The following ZNF250 variants were observed in gnomAD, a reference collection of about 807,000 sequenced individuals.
The protein encoded by ZNF250 is zinc finger protein 250, also known as zinc finger protein (clone 647).
In ZNF250, 13 loss-of-function variants were observed where a neutral mutation model predicts 37.1. That is an observed-to-expected ratio of 0.35 (90% CI 0.23 to 0.56). The LOEUF (loss-of-function observed/expected upper bound fraction) is 0.56. ZNF250 is among the 20% of genes least tolerant of loss of function. ZNF250 has a pLI of 0.87. For missense variants in ZNF250, 474 were observed against 697.9 expected (o/e 0.68, Z 3.61); for synonymous variants, 251 against 265.6 (o/e 0.94, Z 0.54).
At chr8:144,899,501 A>C (rs999246967) in intron 1 of ZNF250, among the ~76,000 whole-genome samples, 1 of 152,174 alleles carries the variant, frequency 6.6e-6, no homozygotes, top group African/African-American at 2.4e-5. Context: ...GTATCCCATA[A>C]ATGTGTATAA....
intron 5 of ZNF250, among the ~76,000 whole-genome samples, chr8:144,886,095 TA>T (rs34422407): frequency 0.034 from 3,951 of 116,586 alleles, 67 homozygotes; most frequent in Admixed American, 0.098. Context: ...AGAGCCTGTC[TA>T]AAAAAAAAAA....
intron 1 of ZNF250, among the ~76,000 whole-genome samples, chr8:144,893,384 G>A (rs996760686): frequency 1.3e-5 from 2 of 152,148 alleles, no homozygotes; most frequent in Non-Finnish European, 2.9e-5. Context: ...AGGCTGGAGT[G>A]CAGTGGCATG....
In ZNF250 at chr8:144,881,501, G is replaced by T. The variant is rs1380326341; in HGVS notation, c.*14C>A. On this transcript the variant is annotated 3_prime_UTR_variant, in exon 6 of 6. Transcript: ENST00000417550. ...GCAGTTTCTGTGAGAATGGATTCTT[G>T]TGTCAGCCATGGGTCACAACTTTCT... 13 of 1,561,296 alleles carry T rather than the reference G, an allele frequency of 8.3e-6. No homozygotes were observed. The highest frequency in any genetic ancestry group is 2.3e-5 in the East Asian group (1 of 44,278).
At chr8:144,901,891 CT>C (rs1210051336), upstream of ZNF250, 1 of 152,374 alleles carries the variant, frequency 6.6e-6, no homozygotes, top group African/African-American at 2.4e-5. This position sits in a 1 kb window ranked among gnomAD's most constrained non-coding sequence, Gnocchi z 5.4. Flanking sequence ...GCCTTTTGCC[CT>C]TGCGGTTCCC....
chr8:144,880,635 G>A lies in ZNF250; in HGVS notation c.*880C>T. 2 of 380,520 alleles carry A rather than the reference G, an allele frequency of 5.3e-6. No homozygotes were observed. Among genetic ancestry groups the A allele is most frequent in the South Asian group, 3.8e-5 (2 of 52,802 alleles). The allele number at this position is 380,520 out of a possible 1,614,324, so 23.6% of individuals were successfully genotyped here. ...TCCCAACACTTTCGGAAGCAAAGGTGGGAGGATCACTTGAGGCCAGGAGTT... is the reference window on the plus strand; with the variant it reads ...TCCCAACACTTTCGGAAGCAAAGGTAGGAGGATCACTTGAGGCCAGGAGTT... On this transcript the variant is annotated 3_prime_UTR_variant, in exon 6 of 6. Transcript: ENST00000417550.
chr8:144,890,891 C>T lies in ZNF250; in HGVS notation c.-54-488G>A, dbSNP rs1320431382. ...GACAATAAGACTCCCCTCACCCCACCCTTAGGCAGCCCTAGTGCCCCAATG... is the reference window on the plus strand; with the variant it reads ...GACAATAAGACTCCCCTCACCCCACTCTTAGGCAGCCCTAGTGCCCCAATG... On this transcript the variant is annotated intron_variant, in intron 1 of 5. Transcript: ENST00000417550. This position sits in a 1 kb window ranked among gnomAD's most constrained non-coding sequence, Gnocchi z 5.1. 6.6e-6 allele frequency among the ~76,000 whole-genome samples: 1 copy of T among 152,154 alleles called. No individual in the cohort carries two copies. The highest frequency in any genetic ancestry group is 1.5e-5 in the Non-Finnish European group (1 of 68,030).
chr8:144,881,484 T>C lies in ZNF250; in HGVS notation c.*31A>G, dbSNP rs370088194. The C allele has an allele frequency of 3.9e-6, 6 of 1,548,948 alleles. No individual in the cohort carries two copies. The African/African-American group carries it at 8.2e-5, about 21-fold the overall frequency. On this transcript the variant is annotated 3_prime_UTR_variant, in exon 6 of 6. Transcript: ENST00000417550. ...TGCTTGTGGTTCCACATGCAGTTTCTGTGAGAATGGATTCTTGTGTCAGCC... is the reference window on the plus strand; with the variant it reads ...TGCTTGTGGTTCCACATGCAGTTTCCGTGAGAATGGATTCTTGTGTCAGCC...
intron 1 of ZNF250, among the ~76,000 whole-genome samples, chr8:144,899,015 GGTA>G (rs1429773606): frequency 2.6e-5 from 4 of 152,088 alleles, no homozygotes; most frequent in African/African-American, 7.2e-5. Flanking sequence ...CAGAAAATGT[GGTA>G]TATGTACACA....
rs1451771777 is a variant in ZNF250 at position 144,880,885 on chromosome 8, T to C, written c.*630A>G. ...TATCTCCACACACACATACAAAAAG[T>C]TTTTTAAATTTATGTAATTTCTCAC... On this transcript the variant is annotated 3_prime_UTR_variant, in exon 6 of 6. Transcript: ENST00000417550. 2.5e-5 allele frequency: 4 copies of C among 160,526 alleles called. No individual in the cohort carries two copies. In the East Asian group the frequency reaches 7.0e-4, roughly 28 times the overall value. 9.9% of individuals were successfully genotyped at this position (160,526 alleles called of 1,614,324 possible). A position where few individuals can be genotyped will look rare whatever the true frequency, so the allele number is the denominator to read the frequency against.
intron 1 of ZNF250, among the ~76,000 whole-genome samples, chr8:144,893,817 G>A (rs1238589426): frequency 6.6e-6 from 1 of 152,158 alleles, no homozygotes; most frequent in African/African-American, 2.4e-5. Flanking sequence ...CACAGGAGGT[G>A]CTGGCTTGTA....
At position 144,890,104 on chromosome 8, in the gene ZNF250, C is replaced by T. The variant is rs746482979; in HGVS notation, c.43-45G>A. The T allele has an allele frequency of 6.3e-7, 1 of 1,598,250 alleles. No individual in the cohort carries two copies. Among genetic ancestry groups the T allele is most frequent in the South Asian group, 1.1e-5 (1 of 88,728 alleles). ...TGCAGGTAAAACCAAATCCTGATGT[C>T]TGTGATGGGGAGTGGGTGCATGTGA... On this transcript the variant is annotated intron_variant, in intron 2 of 5. Transcript: ENST00000417550. This position sits in a 1 kb window ranked among gnomAD's most constrained non-coding sequence, Gnocchi z 5.1.
Position 144,891,481 on chromosome 8 carries a change from T to C in ZNF250, c.-54-1078A>G, listed in dbSNP as rs1832333049. ...CTGTAATCTCAGCACTTTGGGAGGG[T>C]GAGGCAGGCACATCACCGGAGGTCA... On this transcript the variant is annotated intron_variant, in intron 1 of 5. Coordinates refer to ENST00000417550, the MANE Select transcript of ZNF250 (RefSeq NM_001109689.4). This position sits in a 1 kb window ranked among gnomAD's most constrained non-coding sequence, Gnocchi z 4.0. Among the ~76,000 whole-genome samples, 1 of 151,874 alleles carries C rather than the reference T, an allele frequency of 6.6e-6. No individual in the cohort carries two copies. The highest frequency in any genetic ancestry group is 1.5e-5 in the Non-Finnish European group (1 of 67,988).
At chr8:144,892,049 C>T (rs1315664929) in intron 1 of ZNF250, among the ~76,000 whole-genome samples, 1 of 152,130 alleles carries the variant, frequency 6.6e-6, no homozygotes, top group African/African-American at 2.4e-5. Context: ...TATATTTGCA[C>T]AGACAACTTT....
intron 1 of ZNF250, among the ~76,000 whole-genome samples, chr8:144,900,024 G>A (rs1338493910): frequency 6.6e-6 from 1 of 152,126 alleles, no homozygotes; most frequent in East Asian, 1.9e-4. Flanking sequence ...ACCATAATCA[G>A]AGTCAAAAGA....
chr8:144,899,748 A>C (rs75022500), intron 1 of ZNF250, among the ~76,000 whole-genome samples: 541 of 152,328 alleles, frequency 3.6e-3, no homozygotes, highest in African/African-American at 0.012. Context: ...TGGGAAGATC[A>C]ATGGTGTTAG....
intron 4 of ZNF250, among the ~76,000 whole-genome samples, 156 bp from the exon 5 acceptor site, chr8:144,887,058 C>A (rs1444126864): frequency 6.6e-6 from 1 of 151,740 alleles, no homozygotes; most frequent in Non-Finnish European, 1.5e-5. Context: ...ACCAGCCTGG[C>A]CAACATATAG....
rs754548530 is a variant in ZNF250 at position 144,891,389 on chromosome 8, A to G, written c.-54-986T>C. On this transcript the variant is annotated intron_variant, in intron 1 of 5. Transcript: ENST00000417550. The surrounding 1 kb of genome is among the most constrained non-coding windows in gnomAD (Gnocchi z 4.0). ...AATAGGTGTCAGGGCTGGGGGCAGA[A>G]GTCAAGGGACATCATAATCTCAGTG... Among the ~76,000 whole-genome samples, 2 of 152,176 alleles carry G rather than the reference A, an allele frequency of 1.3e-5. No individual in the cohort carries two copies. The highest frequency in any genetic ancestry group is 1.5e-5 in the Non-Finnish European group (1 of 68,032).
Position 144,889,610 on chromosome 8 carries a change from T to C in ZNF250, c.254A>G (p.Lys85Arg). Reference protein sequence around the residue: ...PWVLDRKGAKKSQGLWSDYSD... With the variant: ...PWVLDRKGAKRSQGLWSDYSD... ...GTAGTCACTCCACAGGCCCTGGCTCTTCTTAGCCCCCTTCCTGTCCAGGAC... is the reference window on the plus strand; with the variant it reads ...GTAGTCACTCCACAGGCCCTGGCTCCTCTTAGCCCCCTTCCTGTCCAGGAC... The change falls in exon 4 of 6, where the codon AAG becomes AGG. Residue 85 changes from lysine to arginine, a missense_variant. Physicochemically the swap from Lys to Arg is conservative, Grantham distance 26. Coordinates refer to ENST00000417550, the MANE Select transcript of ZNF250 (RefSeq NM_001109689.4). The C allele has an allele frequency of 1.2e-6, 2 of 1,613,998 alleles. No homozygotes were observed. Among genetic ancestry groups the C allele is most frequent in the Non-Finnish European group, 1.7e-6 (2 of 1,179,882 alleles).
rs769113310 is a variant in ZNF250 at position 144,881,966 on chromosome 8, A to G, written c.1217T>C (p.Met406Thr). The change falls in exon 6 of 6, where the codon ATG becomes ACG. Residue 406 changes from methionine (M) to threonine (T), a missense_variant. Transcript: ENST00000417550. ...CTCGGTGTGGATCCGCTCGTGATTC[A>G]TCAGTGTGGAGCGGTGGCTGAAGGT... ...GKTFSHRSTL[M>T]NHERIHTEEK... 1 of 1,613,930 alleles carries G rather than the reference A, an allele frequency of 6.2e-7. No homozygotes were observed. Among genetic ancestry groups the G allele is most frequent in the Non-Finnish European group, 8.5e-7 (1 of 1,179,982 alleles).
Sources: gnomAD v4.1 joint callset for allele counts (sites outside exome capture counted in the v4.1 genomes callset) on GRCh38, gnomAD v4.1.1 for gene constraint, Gnocchi (gnomAD v3.1) non-coding constraint, MANE v1.5 for transcripts, NCBI Gene and HGNC (gene_info 2026-07-23, HGNC 2026-07-21) for gene names.